Variants in PLCB1 observed in about 807,000 individuals in gnomAD.
PLCB1 encodes phospholipase C beta 1, also known as 1-phosphatidylinositol 4,5-bisphosphate phosphodiesterase beta-1.
Under a neutral mutation model 161.8 loss-of-function variants are expected in PLCB1, and 46 were observed. The observed-to-expected ratio is 0.28, with a 90% CI of 0.22 to 0.36. PLCB1 has a LOEUF of 0.36. Ranked by LOEUF, PLCB1 falls within the 10% of genes least tolerant of loss-of-function variation. The pLI, the probability that PLCB1 is intolerant of heterozygous loss-of-function variation, is 1.00. For synonymous variants in PLCB1, 517 were observed against 503.7 expected, an observed-to-expected ratio of 1.03 and a Z score of -0.35; for missense variants, 1,016 against 1,472.5, an observed-to-expected ratio of 0.69 and a Z score of 5.07.
intron 2 of PLCB1, among the ~76,000 whole-genome samples, chr20:8,161,404 G>A (rs1448765846): frequency 6.6e-6 from 1 of 152,136 alleles, no homozygotes; most frequent in Non-Finnish European, 1.5e-5. Flanking sequence ...TTAAAAGTGA[G>A]TAAACTGAAG....
chr20:8,316,040 A>T (rs1984633798), intron 2 of PLCB1, among the ~76,000 whole-genome samples: 1 of 152,184 alleles, frequency 6.6e-6, no homozygotes, highest in African/African-American at 2.4e-5. Context: ...AGTTACCAGC[A>T]ATTATAATCT....
At chr20:8,416,089 A>G (rs1125525) in intron 3 of PLCB1, among the ~76,000 whole-genome samples, 21,540 of 152,224 alleles carry the variant, frequency 0.14, 1,912 homozygotes, top group Middle Eastern at 0.2. Context: ...CCTGTAGGTT[A>G]AGGAATCTCC....
chr20:8,258,278 A>T (rs1369832684), intron 2 of PLCB1, among the ~76,000 whole-genome samples: 1 of 152,210 alleles, frequency 6.6e-6, no homozygotes, highest in Admixed American at 6.5e-5. Context: ...TGACTGAATT[A>T]TGCCACAAAG....
intron 9 of PLCB1, among the ~76,000 whole-genome samples, chr20:8,678,677 A>C (rs966217517): frequency 6.6e-6 from 1 of 152,174 alleles, no homozygotes; most frequent in Non-Finnish European, 1.5e-5. Flanking sequence ...GACTCCACAC[A>C]CTGGAGACAT....
At chr20:8,625,607 A>T (rs142305721) in intron 3 of PLCB1, among the ~76,000 whole-genome samples, 5 of 152,246 alleles carry the variant, frequency 3.3e-5, no homozygotes, top group Non-Finnish European at 7.3e-5. Flanking sequence ...TACATACTTT[A>T]AATTCTCTGT....
intron 3 of PLCB1, among the ~76,000 whole-genome samples, chr20:8,564,926 T>C (rs1034540680): frequency 1.2e-4 from 18 of 152,198 alleles, no homozygotes; most frequent in Non-Finnish European, 2.4e-4. Context: ...GAAGACAGTG[T>C]GGTAATTCCT....
chr20:8,167,831 T>G (rs1480824071), intron 2 of PLCB1, among the ~76,000 whole-genome samples: 1 of 152,162 alleles, frequency 6.6e-6, no homozygotes, highest in African/African-American at 2.4e-5. Flanking sequence ...AACAACCATT[T>G]TTTTGAGGTC....
intron 3 of PLCB1, among the ~76,000 whole-genome samples, chr20:8,627,883 T>C (rs1600204412): frequency 6.6e-6 from 1 of 152,212 alleles, no homozygotes; most frequent in Admixed American, 6.5e-5. Context: ...TCTTCCCTAG[T>C]CCTACGTAGG....
intron 31 of PLCB1, among the ~76,000 whole-genome samples, chr20:8,838,019 C>T (rs1243406462): frequency 3.3e-5 from 5 of 151,340 alleles, no homozygotes; most frequent in African/African-American, 1.2e-4. Flanking sequence ...AAGAGATAGG[C>T]TGGTGACTAA....
In PLCB1 at chr20:8,460,508, G is replaced by A. The variant is rs1256231193; in HGVS notation, c.246+89058G>A. Among the ~76,000 whole-genome samples, 4 of 152,330 alleles carry A rather than the reference G, an allele frequency of 2.6e-5. No homozygotes were observed. In the East Asian group the frequency reaches 7.7e-4, roughly 29 times the overall value. ...GGTGAATGCATTATCCACATTAACT[G>A]CTGTTCAAAAATTCTGTCCAAAAGT... On this transcript the variant is annotated intron_variant, in intron 3 of 31. Transcript: ENST00000338037.
rs74497952 is a variant in PLCB1 at position 8,203,893 on chromosome 20, G to T, written c.177+53522G>T. 5.6e-3 allele frequency among the ~76,000 whole-genome samples: 855 copies of T among 152,204 alleles called. 7 individuals are homozygous for T. The highest frequency in any genetic ancestry group is 0.019 in the African/African-American group (803 of 41,528). ...GAATCCCCTGCAGGATTCAGCCCCAGTTGCCCATAGTGAAGGACTTGTACT... is the reference window on the plus strand; with the variant it reads ...GAATCCCCTGCAGGATTCAGCCCCATTTGCCCATAGTGAAGGACTTGTACT... On this transcript the variant is annotated intron_variant, in intron 2 of 31. Transcript: ENST00000338037.
chr20:8,304,704 T>A (rs1984055332), intron 2 of PLCB1, among the ~76,000 whole-genome samples: 1 of 151,982 alleles, frequency 6.6e-6, no homozygotes, highest in South Asian at 2.1e-4. Context: ...TAATAATAAA[T>A]AGCCAATACA....
At chr20:8,427,870 AGTT>A (rs1158502332) in intron 3 of PLCB1, among the ~76,000 whole-genome samples, 1 of 152,228 alleles carries the variant, frequency 6.6e-6, no homozygotes, top group Non-Finnish European at 1.5e-5. Context: ...ATAATGTTCA[AGTT>A]GTTATCTGTA....
intron 3 of PLCB1, among the ~76,000 whole-genome samples, chr20:8,396,945 A>T (rs1987786803): frequency 1.3e-5 from 2 of 151,990 alleles, no homozygotes; most frequent in South Asian, 4.1e-4. Context: ...TATTTTTGCT[A>T]TTATAGGTAA....
chr20:8,335,006 A>T (rs977806499), intron 2 of PLCB1, among the ~76,000 whole-genome samples: 15 of 152,232 alleles, frequency 9.9e-5, no homozygotes, highest in South Asian at 2.1e-4. Flanking sequence ...ATTGACACAG[A>T]TTAATGCAAT....
At chr20:8,605,914 G>A (rs1401457478) in intron 3 of PLCB1, among the ~76,000 whole-genome samples, 1 of 152,032 alleles carries the variant, frequency 6.6e-6, no homozygotes, top group Non-Finnish European at 1.5e-5. Flanking sequence ...TTCTGTTTCT[G>A]AGTTATTTCT....
At chr20:8,859,600 A>G (rs896424365) in intron 31 of PLCB1, among the ~76,000 whole-genome samples, 3 of 152,128 alleles carry the variant, frequency 2.0e-5, no homozygotes, top group Admixed American at 6.5e-5. Context: ...TCAGTCTTCT[A>G]GTAATTCAAG....
chr20:8,445,587 G>A (rs1980786457), intron 3 of PLCB1, among the ~76,000 whole-genome samples: 1 of 152,116 alleles, frequency 6.6e-6, no homozygotes, highest in Admixed American at 6.5e-5. Flanking sequence ...TGTGAAGAAA[G>A]TCATTGGTAG....
chr20:8,781,487 A>T (rs1034716798), intron 27 of PLCB1, among the ~76,000 whole-genome samples: 1 of 152,068 alleles, frequency 6.6e-6, no homozygotes, highest in African/African-American at 2.4e-5. Context: ...TGCTTCTTTT[A>T]CTTAGCATTA....
Sources: gnomAD v4.1 joint callset for allele counts (sites outside exome capture counted in the v4.1 genomes callset) on GRCh38, gnomAD v4.1.1 for gene constraint, MANE v1.5 for transcripts, NCBI Gene and HGNC (gene_info 2026-07-23, HGNC 2026-07-21) for gene names.